CCDC81: variants seen among roughly 807,000 people sequenced by gnomAD.
CCDC81 encodes the protein coiled-coil domain containing 81.
CCDC81 carries 79 observed loss-of-function variants against 83.7 expected under a neutral mutation model. The observed-to-expected ratio is 0.94, with a 90% confidence interval of 0.79 to 1.14. The LOEUF (loss-of-function observed/expected upper bound fraction) is 1.14. CCDC81 is among the 50% of genes most tolerant of loss of function. CCDC81 has a pLI of 0.00. For synonymous variants in CCDC81, 252 were observed against 278.1 expected, an observed-to-expected ratio of 0.91 and a Z score of 0.93; for missense variants, 791 against 778.1, an observed-to-expected ratio of 1.02 and a Z score of -0.20.
chr11:86,405,211 T>C (rs1358398412), intron 7 of CCDC81, among the ~76,000 whole-genome samples: 1 of 151,956 alleles, frequency 6.6e-6, no homozygotes, highest in Non-Finnish European at 1.5e-5. Context: ...ATGTCTAGGA[T>C]TTTTTTTGGT....
In CCDC81 at chr11:86,423,054, A is replaced by C. The variant is rs1948817672; in HGVS notation, c.*339A>C. The C allele has an allele frequency of 4.3e-6, 1 of 231,648 alleles. No homozygotes were observed. Among genetic ancestry groups the C allele is most frequent in the Non-Finnish European group, 8.4e-6 (1 of 118,382 alleles). 14.3% of individuals were successfully genotyped at this position (231,648 alleles called of 1,614,324 possible). ...TGCTGCTCCATGACTTTGTGTACAA[A>C]ACTTTTTTCATCTGTAATGAATAGT... On this transcript the variant is annotated 3_prime_UTR_variant, in exon 15 of 15. Transcript: ENST00000445632.
At chr11:86,379,231 G>A (rs1013376096) in intron 1 of CCDC81, among the ~76,000 whole-genome samples, 3 of 151,902 alleles carry the variant, frequency 2.0e-5, no homozygotes, top group African/African-American at 7.3e-5. Context: ...CCAGTAGCTA[G>A]GACCACAGGC....
chr11:86,403,045 G>A (rs1948514951), intron 7 of CCDC81, among the ~76,000 whole-genome samples: 1 of 145,548 alleles, frequency 6.9e-6, no homozygotes, highest in South Asian at 2.2e-4. Context: ...GTAGAGATGG[G>A]GTCTTAGTAT....
intron 4 of CCDC81, among the ~76,000 whole-genome samples, chr11:86,393,021 C>T (rs567473194): frequency 1.8e-4 from 28 of 152,264 alleles, no homozygotes; most frequent in African/African-American, 5.8e-4. Context: ...TAAATAGTAA[C>T]GGAAACTCTT....
chr11:86,400,702 G>A lies in CCDC81; in HGVS notation c.782G>A (p.Arg261Gln), dbSNP rs377181429. ...GATATCTCATCACCCAAAAGACTTCGAGATAGACAAGCTTTGTTCCCTGCC... is the reference window on the plus strand; with the variant it reads ...GATATCTCATCACCCAAAAGACTTCAAGATAGACAAGCTTTGTTCCCTGCC... ...TRDISSPKRL[R>Q]DRQALFPAKV... Residue 261 changes from arginine to glutamine, a missense_variant, in exon 7 of 15, where the codon CGA becomes CAA. Coordinates refer to ENST00000445632, the MANE Select transcript of CCDC81 (RefSeq NM_001156474.2). The A allele has an allele frequency of 3.1e-6, 5 of 1,611,514 alleles. No homozygotes were observed. Among genetic ancestry groups the A allele is most frequent in the African/African-American group, 1.3e-5 (1 of 74,862 alleles).
chr11:86,420,118 G>T (rs1948771135), intron 14 of CCDC81, 65 bp downstream of exon 14: 1 of 1,569,286 alleles, frequency 6.4e-7, no homozygotes, highest in Non-Finnish European at 8.6e-7. Context: ...GTTTCAAGTG[G>T]AACTCCACTT....
Position 86,375,180 on chromosome 11 carries a change from C to A in CCDC81, c.17C>A (p.Ala6Asp), listed in dbSNP as rs1262775430. MLDTI[A>D]RALQDLGRQV... ...AAATTGGAGATGTTGGATACGATCG[C>A]CCGTGCCCTGCAGGACCTGGGCAGG... Residue 6 changes from alanine (A) to aspartate (D), a missense_variant, in exon 1 of 15, where the codon GCC becomes GAC. Physicochemically the swap from Ala to Asp is moderately radical, Grantham distance 126. Coordinates refer to ENST00000445632, the MANE Select transcript of CCDC81 (RefSeq NM_001156474.2). 6.2e-7 allele frequency: 1 copy of A among 1,613,640 alleles called. No homozygotes were observed. Among genetic ancestry groups the A allele is most frequent in the East Asian group, 2.2e-5 (1 of 44,862 alleles).
At chr11:86,411,833 T>C (rs1948645850) in intron 10 of CCDC81, among the ~76,000 whole-genome samples, 1 of 152,186 alleles carries the variant, frequency 6.6e-6, no homozygotes, top group Admixed American at 6.5e-5. Context: ...AGCTTGAAAC[T>C]TAACATTGTT....
intron 1 of CCDC81, 44 bp from the exon 2 acceptor site, chr11:86,386,007 T>C: frequency 1.1e-6 from 1 of 924,716 alleles, no homozygotes; most frequent in Non-Finnish European, 1.7e-6. Flanking sequence ...GTCACATGGG[T>C]GCGCATATAA....
At chr11:86,388,779 T>C (rs1036731348) in intron 3 of CCDC81, among the ~76,000 whole-genome samples, 1 of 152,018 alleles carries the variant, frequency 6.6e-6, no homozygotes, top group Non-Finnish European at 1.5e-5. Context: ...AGAAGAAATA[T>C]ATCCTATTTC....
chr11:86,385,848 T>A (rs572228512), intron 1 of CCDC81, among the ~76,000 whole-genome samples: 6 of 152,268 alleles, frequency 3.9e-5, no homozygotes, highest in African/African-American at 1.2e-4. Flanking sequence ...AATCACATCT[T>A]CTGAACTTAA....
rs766941880 is a variant in CCDC81, at chr11:86,409,271, T to C, written c.1124T>C (p.Leu375Pro). 6 of 1,426,052 alleles carry C rather than the reference T, an allele frequency of 4.2e-6. No individual in the cohort carries two copies. Among genetic ancestry groups the C allele is most frequent in the African/African-American group, 1.5e-5 (1 of 67,488 alleles). 88.3% of individuals were successfully genotyped at this position (1,426,052 alleles called of 1,614,324 possible). ...TTTTTTAAACAATAGATGAAAAGTC[T>C]GGCTACTAGAGAACAGAATCAGAAA... ...EALFRHQMKSLATREQNQKNA... is the reference protein window; with the variant it reads ...EALFRHQMKSPATREQNQKNA... Residue 375 changes from leucine (L) to proline (P), a missense_variant, in exon 10 of 15, where the codon CTG becomes CCG. Transcript: ENST00000445632.
intron 3 of CCDC81, 48 bp from the exon 4 acceptor site, chr11:86,392,493 G>A (rs1948344961): frequency 6.5e-7 from 1 of 1,537,490 alleles, no homozygotes; most frequent in Middle Eastern, 1.8e-4. Context: ...TGTCCTTATG[G>A]TAATCACCAC....
At chr11:86,402,704 A>G (rs1948509589) in intron 7 of CCDC81, among the ~76,000 whole-genome samples, 1 of 152,236 alleles carries the variant, frequency 6.6e-6, no homozygotes, top group Non-Finnish European at 1.5e-5. Context: ...TGGTTGTAGC[A>G]AATTATCCTC....
intron 1 of CCDC81, among the ~76,000 whole-genome samples, chr11:86,380,912 C>A (rs1024395693): frequency 6.6e-6 from 1 of 152,258 alleles, no homozygotes; most frequent in African/African-American, 2.4e-5. Context: ...ATAGTTCCAA[C>A]ATCCCTGCCA....
At chr11:86,391,926 A>T (rs778448761) in intron 3 of CCDC81, among the ~76,000 whole-genome samples, 1 of 152,176 alleles carries the variant, frequency 6.6e-6, no homozygotes, top group Non-Finnish European at 1.5e-5. Flanking sequence ...ATGTCTTACA[A>T]GGCTGGAGCA....
chr11:86,412,584 A>G lies in CCDC81; in HGVS notation c.1391+25A>G, dbSNP rs1395076071. 3 of 1,561,294 alleles carry G rather than the reference A, an allele frequency of 1.9e-6. No individual in the cohort carries two copies. The South Asian group carries it at 3.7e-5, about 19-fold the overall frequency. On this transcript the variant is annotated intron_variant, in intron 11 of 14. Transcript: ENST00000445632. Reference sequence around the variant, plus strand: ...AGTGAGTCCAGCTACACACGCTCTGACAAATGGATTTGGAATTTTCATGTG... The same window carrying G: ...AGTGAGTCCAGCTACACACGCTCTGGCAAATGGATTTGGAATTTTCATGTG...
In CCDC81 at chr11:86,422,754, T is replaced by C; in HGVS notation, c.*39T>C. On this transcript the variant is annotated 3_prime_UTR_variant, in exon 15 of 15. Coordinates refer to ENST00000445632, the MANE Select transcript of CCDC81 (RefSeq NM_001156474.2). ...GCTCTTCGTTTCCCGGGGAAAGTTT[T>C]TATCTTTTACATGTTTGGGGGTGAT... 6.3e-7 allele frequency: 1 copy of C among 1,595,980 alleles called. No homozygotes were observed. Among genetic ancestry groups the C allele is most frequent in the Non-Finnish European group, 8.6e-7 (1 of 1,167,748 alleles).
At position 86,375,265 on chromosome 11, in the gene CCDC81, G is replaced by T. The variant is rs747493298; in HGVS notation, c.79+23G>T. 5.0e-6 allele frequency: 8 copies of T among 1,593,286 alleles called. No individual in the cohort carries two copies. In the East Asian group the frequency reaches 1.3e-4, roughly 27 times the overall value. ...AGGGTAAGCGTGTTGGGTAGCAGGG[G>T]GTGGCCCTGGGGATTGAATCTTCAT... On this transcript the variant is annotated intron_variant, in intron 1 of 14. Coordinates refer to ENST00000445632, the MANE Select transcript of CCDC81 (RefSeq NM_001156474.2).
Sources: allele counts gnomAD v4.1 joint callset (sites outside exome capture counted in the v4.1 genomes callset), GRCh38; gene constraint gnomAD v4.1.1; transcripts MANE v1.5; gene names NCBI Gene and HGNC (gene_info 2026-07-23, HGNC 2026-07-21).